CAMSAP2: variants seen among roughly 807,000 people sequenced by gnomAD.
The protein encoded by CAMSAP2 is calmodulin-regulated spectrin-associated protein 2.
CAMSAP2 carries 26 observed loss-of-function variants against 146.1 expected under a neutral mutation model. The observed-to-expected ratio is 0.18, with a 90% CI of 0.13 to 0.25. The LOEUF is 0.25. CAMSAP2 is among the 10% of genes least tolerant of loss of function. The pLI is 1.00. For missense variants in CAMSAP2, 1,381 were observed against 1,759.3 expected (o/e 0.78, Z 3.85); for synonymous variants, 499 against 596.6 (o/e 0.84, Z 2.38).
chr1:200,852,402 A>T, intron 11 of CAMSAP2, 139 bp from the exon 12 acceptor site: 1 of 861,350 alleles, frequency 1.2e-6, no homozygotes, highest in Non-Finnish European at 1.7e-6. Flanking sequence ...TAATTTCTCA[A>T]CCACACCCAC....
chr1:200,754,795 G>C lies in CAMSAP2; in HGVS notation c.140-6044G>C, dbSNP rs529428668. 3.1e-3 allele frequency among the ~76,000 whole-genome samples: 470 copies of C among 152,134 alleles called. 4 individuals are homozygous for C. Among genetic ancestry groups the C allele is most frequent in the African/African-American group, 6.5e-3 (269 of 41,514 alleles). Reference sequence around the variant, plus strand: ...GACGGGGTTTCACCGTGTTAGTCAGGACGGTCTCTATCTCCTGACCTTGTG... The same window carrying C: ...GACGGGGTTTCACCGTGTTAGTCAGCACGGTCTCTATCTCCTGACCTTGTG... On this transcript the variant is annotated intron_variant, in intron 1 of 16. Transcript: ENST00000358823.
At position 200,847,359 on chromosome 1, in the gene CAMSAP2, T is replaced by C. The variant is rs956241833; in HGVS notation, c.1192+67T>C. On this transcript the variant is annotated intron_variant, in intron 9 of 16. Coordinates refer to ENST00000358823, the MANE Select transcript of CAMSAP2 (RefSeq NM_203459.4). ...AGGTTACCTGGGAAATGATTGACAG[T>C]AAATATAAATAAACAAATATCCAGG... 4 of 1,114,426 alleles carry C rather than the reference T, an allele frequency of 3.6e-6. No individual in the cohort carries two copies. The African/African-American group carries it at 6.3e-5, about 18-fold the overall frequency. The allele number at this position is 1,114,426 out of a possible 1,614,324, so 69.0% of individuals were successfully genotyped here. A position where few individuals can be genotyped will look rare whatever the true frequency, so the allele number is the denominator to read the frequency against.
chr1:200,819,647 A>AT (rs1312457368), intron 4 of CAMSAP2, among the ~76,000 whole-genome samples: 3 of 152,162 alleles, frequency 2.0e-5, no homozygotes, highest in African/African-American at 7.2e-5. Flanking sequence ...ATCTGTAAAA[A>AT]TTAGAAGGTT....
chr1:200,830,453 G>A (rs992254910), intron 4 of CAMSAP2, among the ~76,000 whole-genome samples: 3 of 152,186 alleles, frequency 2.0e-5, no homozygotes, highest in African/African-American at 7.2e-5. Context: ...TCCAATTCAG[G>A]TCATAGGCTG....
intron 2 of CAMSAP2, among the ~76,000 whole-genome samples, chr1:200,783,708 T>A (rs564252347): frequency 2.6e-4 from 39 of 152,150 alleles, no homozygotes; most frequent in Admixed American, 3.9e-4. Context: ...CAGATAGTTT[T>A]GAACTCCTGG....
At chr1:200,741,467 A>C (rs1664172624) in intron 1 of CAMSAP2, among the ~76,000 whole-genome samples, 1 of 152,262 alleles carries the variant, frequency 6.6e-6, no homozygotes, top group African/African-American at 2.4e-5. Context: ...GCCGGTATCT[A>C]TTTGGATGGC....
At chr1:200,806,369 G>T (rs1179733202) in intron 2 of CAMSAP2, among the ~76,000 whole-genome samples, 28 of 152,076 alleles carry the variant, frequency 1.8e-4, no homozygotes, top group Non-Finnish European at 4.4e-5. Flanking sequence ...ACAAGAGTGG[G>T]GTCTTCTAAA....
rs1666539527 is a variant in CAMSAP2 at position 200,816,847 on chromosome 1, CACACACACGCGT to C, written c.645+1204_645+1215del. On this transcript the variant is annotated intron_variant, in intron 4 of 16. Coordinates refer to ENST00000358823, the MANE Select transcript of CAMSAP2 (RefSeq NM_203459.4). ...ACACACACGCGTGTGTATGTGTGTA[CACACACACGCGT>C]GTGTATGTGTGTACACACACACGCG... Among the ~76,000 whole-genome samples, 37 of 50,978 alleles carry C rather than the reference CACACACACGCGT, an allele frequency of 7.3e-4. 7 individuals carry two copies. The highest frequency in any genetic ancestry group is 1.0e-3 in the Non-Finnish European group (30 of 29,426). 33.4% of individuals were successfully genotyped at this position (50,978 alleles called of 152,430 possible). A position where few individuals can be genotyped will look rare whatever the true frequency, so the allele number is the denominator to read the frequency against.
chr1:200,843,181 G>A (rs1283784594), intron 7 of CAMSAP2, among the ~76,000 whole-genome samples: 2 of 152,026 alleles, frequency 1.3e-5, no homozygotes, highest in African/African-American at 4.8e-5. Context: ...TGGCTCCAAA[G>A]TTTGTTATTT....
chr1:200,799,576 G>A (rs931441214), intron 2 of CAMSAP2, among the ~76,000 whole-genome samples: 2 of 151,542 alleles, frequency 1.3e-5, no homozygotes, highest in Admixed American at 1.3e-4. Flanking sequence ...TTCTTTATTA[G>A]TCTGGCTAGC....
intron 2 of CAMSAP2, among the ~76,000 whole-genome samples, chr1:200,795,429 T>A (rs79539425): frequency 2.6e-5 from 4 of 152,282 alleles, no homozygotes; most frequent in East Asian, 3.9e-4. Flanking sequence ...TCATCCATAT[T>A]TGGAACGACT....
intron 2 of CAMSAP2, among the ~76,000 whole-genome samples, chr1:200,770,066 A>G (rs1256694314): frequency 1.3e-5 from 2 of 152,220 alleles, no homozygotes; most frequent in South Asian, 2.1e-4. Context: ...TCAAGTAGAT[A>G]GATGATTCTC....
chr1:200,743,794 A>G (rs915642686), intron 1 of CAMSAP2, among the ~76,000 whole-genome samples: 4 of 151,774 alleles, frequency 2.6e-5, no homozygotes, highest in Admixed American at 2.0e-4. Context: ...TAGAAAAATT[A>G]GCTGGGCATG....
chr1:200,810,575 CAAA>C (rs955804895), intron 3 of CAMSAP2, among the ~76,000 whole-genome samples: 5 of 95,840 alleles, frequency 5.2e-5, no homozygotes, highest in African/African-American at 4.0e-5. Flanking sequence ...GACTCCATCT[CAAA>C]AAAAAAAAAA....
intron 2 of CAMSAP2, among the ~76,000 whole-genome samples, chr1:200,773,763 G>A (rs556946370): frequency 6.6e-6 from 1 of 152,114 alleles, no homozygotes; most frequent in Admixed American, 6.5e-5. Context: ...GCTCAGGCCT[G>A]TAATCTCAGT....
chr1:200,814,609 C>CAAAAAAAAAAAAAAAAAAAAAAAA (rs1204730822), intron 3 of CAMSAP2, among the ~76,000 whole-genome samples: 1 of 24,102 alleles, frequency 4.1e-5, no homozygotes, highest in Non-Finnish European at 7.0e-5. Context: ...GATTGCATCC[C>CAAAAAAAAAAAAAAAAAAAAAAAA]AAAAAAAAAA....
chr1:200,783,626 G>A (rs1318862384), intron 2 of CAMSAP2, among the ~76,000 whole-genome samples: 1 of 151,896 alleles, frequency 6.6e-6, no homozygotes, highest in African/African-American at 2.4e-5. Flanking sequence ...GGGACTATAG[G>A]CGATTGCCAC....
intron 3 of CAMSAP2, among the ~76,000 whole-genome samples, chr1:200,812,035 T>A (rs1216730440): frequency 6.6e-6 from 1 of 152,208 alleles, no homozygotes; most frequent in Non-Finnish European, 1.5e-5. Context: ...CTTATCTAAA[T>A]GAAGTGCCTC....
At chr1:200,850,671 C>G (rs377736812) in intron 11 of CAMSAP2, among the ~76,000 whole-genome samples, 2 of 152,138 alleles carry the variant, frequency 1.3e-5, no homozygotes, top group South Asian at 4.1e-4. Context: ...GGAAGAAAAT[C>G]ATTAGTATAA....
Sources: gnomAD v4.1 joint callset for allele counts (sites outside exome capture counted in the v4.1 genomes callset) on GRCh38, gnomAD v4.1.1 for gene constraint, MANE v1.5 for transcripts, NCBI Gene and HGNC (gene_info 2026-07-23, HGNC 2026-07-21) for gene names.